ARSD: variants seen among roughly 807,000 people sequenced by gnomAD.
ARSD encodes testis tissue sperm-binding protein Li 39a.
Under a neutral mutation model 32.6 loss-of-function variants are expected in ARSD, and 21 were observed. The observed-to-expected ratio is 0.64, with a 90% CI of 0.46 to 0.93. The LOEUF is 0.93. Ranked by LOEUF, ARSD falls within the 40% of genes least tolerant of loss-of-function variation. The probability of loss-of-function intolerance (pLI) is 0.00; values close to 1 mark genes in which losing one functional copy is unlikely to be tolerated. For missense variants in ARSD, 454 were observed against 520.9 expected, an observed-to-expected ratio of 0.87 and a Z score of 1.25; for synonymous variants, 224 against 237.4, an observed-to-expected ratio of 0.94 and a Z score of 0.52.
At chrX:2,908,535 C>CTCTCT (rs199839957) in intron 9 of ARSD, among the ~76,000 whole-genome samples, 186 bp downstream of exon 9, 2 of 68,470 alleles carry the variant, frequency 2.9e-5, no homozygotes, top group African/African-American at 1.1e-4. Context: ...CTCTCTCTCT[C>CTCTCT]CCCCCCCCAT....
rs1390712399 is a variant in ARSD at position 2,913,581 on chromosome X, A to G, written c.1000+1975T>C. 1.9e-5 allele frequency: 19 copies of G among 996,783 alleles called. No homozygotes were observed. The African/African-American group carries it at 3.0e-4, about 16-fold the overall frequency. The allele number at this position is 996,783 out of a possible 1,213,427, so 82.1% of individuals were successfully genotyped here. A position where few individuals can be genotyped will look rare whatever the true frequency, so the allele number is the denominator to read the frequency against. On this transcript the variant is annotated intron_variant, in intron 6 of 9. Coordinates refer to ENST00000381154, the MANE Select transcript of ARSD (RefSeq NM_001669.4). ...ATTCTGCAAGGATTTTAATATCTAC[A>G]CTCTCTTAAGAATCTGCAGCCTCGT...
chrX:2,908,735 C>A lies in ARSD; in HGVS notation c.1406G>T (p.Trp469Leu). The part of the protein sequence containing the change: ...YCGQHLHAAR[W>L]HQKDSGSVWK... The stretch of plus-strand genomic sequence containing the variant: ...CAGGTACTCACTGTCCTTCTGGTGC[C>A]AGCGTGCTGCGTGAAGATGCTGCCC... Residue 469 changes from tryptophan to leucine, a missense_variant, in exon 9 of 10, where the codon TGG becomes TTG. Physicochemically the swap from Trp to Leu is moderately conservative, Grantham distance 61. Around this residue, in one of 3 missense-constraint regions of ARSD, gnomAD observed 179 missense variants for 198.5 expected, o/e 0.90. Coordinates refer to ENST00000381154, the MANE Select transcript of ARSD (RefSeq NM_001669.4). 1 of 1,197,540 alleles carries A rather than the reference C, an allele frequency of 8.4e-7. No homozygotes were observed. The highest frequency in any genetic ancestry group is 3.0e-5 in the East Asian group (1 of 33,452).
intron 3 of ARSD, among the ~76,000 whole-genome samples, chrX:2,921,545 T>TTATCTATC (rs759617482): frequency 8.9e-6 from 1 of 111,913 alleles, no homozygotes; most frequent in Non-Finnish European, 1.9e-5. Flanking sequence ...AGCTGTCAAT[T>TTATCTATC]TATCTATCTA....
rs1429641726 is a variant in ARSD at position 2,923,962 on chromosome X, G to A, written c.194+1654C>T. 9.8e-5 allele frequency among the ~76,000 whole-genome samples: 11 copies of A among 112,410 alleles called. No homozygotes were observed. In the Admixed American group the frequency reaches 1.0e-3, roughly 11 times the overall value. ...ACTGTACACTGTAAACAGATGAACC[G>A]CATGTTCTGTGAATTACAACCAGGC... On this transcript the variant is annotated intron_variant, in intron 2 of 9. Coordinates refer to ENST00000381154, the MANE Select transcript of ARSD (RefSeq NM_001669.4).
At chrX:2,916,766 A>C (rs1569088891) in intron 5 of ARSD, among the ~76,000 whole-genome samples, 1 of 111,541 alleles carries the variant, frequency 9.0e-6, no homozygotes, top group Non-Finnish European at 1.9e-5. Flanking sequence ...TAAAGAGTAC[A>C]AACATACAGT....
intron 2 of ARSD, 128 bp from the exon 3 acceptor site, chrX:2,922,152 G>T: frequency 1.2e-6 from 1 of 850,041 alleles, no homozygotes; most frequent in Non-Finnish European, 1.6e-6. Context: ...TTGCATTATG[G>T]TCTCCTGCAG....
At chrX:2,929,173 C>G (rs1303472755) in intron 1 of ARSD, 59 bp downstream of exon 1, 1 of 986,691 alleles carries the variant, frequency 1.0e-6, no homozygotes, top group Non-Finnish European at 1.3e-6. Context: ...GCTCGCGACC[C>G]CCTCCCCAGG....
At chrX:2,922,463 C>A (rs2089037861) in intron 2 of ARSD, among the ~76,000 whole-genome samples, 1 of 110,018 alleles carries the variant, frequency 9.1e-6, no homozygotes. Context: ...AGGAGACAGT[C>A]CCTGTGCTTT....
chrX:2,921,764 A>C, intron 3 of ARSD, 139 bp downstream of exon 3: 1 of 795,802 alleles, frequency 1.3e-6, no homozygotes, highest in South Asian at 3.0e-5. Context: ...TCCTTACATA[A>C]ATACAAGGAA....
chrX:2,911,198 CT>C (rs1274687261), intron 6 of ARSD, among the ~76,000 whole-genome samples: 3 of 111,376 alleles, frequency 2.7e-5, no homozygotes, highest in Non-Finnish European at 5.7e-5. Flanking sequence ...ATGGTGAAAC[CT>C]CATCTCTACC....
intron 3 of ARSD, among the ~76,000 whole-genome samples, chrX:2,921,249 T>C (rs1312894846): frequency 8.9e-6 from 1 of 112,119 alleles, no homozygotes; most frequent in African/African-American, 3.2e-5. Context: ...ATCCATCATC[T>C]ATCATCTATA....
Position 2,906,956 on chromosome X carries a change from A to C in ARSD, c.*315T>G, listed in dbSNP as rs745916560. 4 of 186,582 alleles carry C rather than the reference A, an allele frequency of 2.1e-5. No individual in the cohort carries two copies. The South Asian group carries it at 5.0e-4, about 23-fold the overall frequency. 15.4% of individuals were successfully genotyped at this position (186,582 alleles called of 1,213,427 possible). A position where few individuals can be genotyped will look rare whatever the true frequency, so the allele number is the denominator to read the frequency against. ...GAAACCCTGTCTCTACTAAAACTAC[A>C]AAAATTAGCTAGGCATGGTGGCAGG... On this transcript the variant is annotated 3_prime_UTR_variant, in exon 10 of 10. Coordinates refer to ENST00000381154, the MANE Select transcript of ARSD (RefSeq NM_001669.4).
In ARSD at chrX:2,904,887, T is replaced by G. The variant is rs2147301447; in HGVS notation, c.*2384A>C. 4.0e-6 allele frequency: 1 copy of G among 251,287 alleles called. No homozygotes were observed. Among genetic ancestry groups the G allele is most frequent in the South Asian group, 4.2e-5 (1 of 23,720 alleles). The allele number at this position is 251,287 out of a possible 1,213,427, so 20.7% of individuals were successfully genotyped here. The stretch of plus-strand genomic sequence containing the variant: ...AGCTGCCTCCACTCCCCGTGTCCCA[T>G]GCTCCATAGATGTTTCTTTTTTTTT... On this transcript the variant is annotated 3_prime_UTR_variant, in exon 10 of 10. Transcript: ENST00000381154.
chrX:2,929,256 C>A lies in ARSD; in HGVS notation c.20G>T (p.Arg7Met). The change falls in exon 1 of 10, where the codon AGG becomes ATG. Residue 7 changes from arginine (R) to methionine (M), a missense_variant. Physicochemically the swap from Arg to Met is moderately conservative, Grantham distance 91 (BLOSUM62 -1). Coordinates refer to ENST00000381154, the MANE Select transcript of ARSD (RefSeq NM_001669.4). Reference protein sequence around the residue: MRSAARRGRAAPAARDS... With the variant: MRSAARMGRAAPAARDS... Reference sequence around the variant, plus strand: ...CCTGGCGGCGGGCGCGGCGCGTCCCCTCCGCGCGGCGGATCGCATGGCCGA... The same window carrying A: ...CCTGGCGGCGGGCGCGGCGCGTCCCATCCGCGCGGCGGATCGCATGGCCGA... The A allele has an allele frequency of 1.9e-6, 2 of 1,027,959 alleles. No individual in the cohort carries two copies. Among genetic ancestry groups the A allele is most frequent in the Non-Finnish European group, 2.5e-6 (2 of 811,710 alleles). The allele number at this position is 1,027,959 out of a possible 1,213,427, so 84.7% of individuals were successfully genotyped here. A position where few individuals can be genotyped will look rare whatever the true frequency, so the allele number is the denominator to read the frequency against.
Position 2,925,633 on chromosome X carries a change from G to T in ARSD, c.177C>A (p.Tyr59Ter), listed in dbSNP as rs2302076. The change falls in exon 2 of 10, where the codon TAC becomes TAA. Residue 59 changes from tyrosine (Y) to a stop codon, truncating the protein, a stop_gained. Coordinates refer to ENST00000381154, the MANE Select transcript of ARSD (RefSeq NM_001669.4). LOFTEE classifies it high-confidence loss of function. Reference sequence around the variant, plus strand: ...AACTGTACCTCAGTGTATTGTTCCCGTAGCAACCGAGATCCCCAGTGCCTA... The same window carrying T: ...AACTGTACCTCAGTGTATTGTTCCCTTAGCAACCGAGATCCCCAGTGCCTA... Reference protein sequence around the residue: ...DDLGTGDLGCYGNNTLRTPNI... With the variant: ...DDLGTGDLGC 7.4e-6 allele frequency: 9 copies of T among 1,209,949 alleles called. No homozygotes were observed. Among genetic ancestry groups the T allele is most frequent in the Non-Finnish European group, 1.0e-5 (9 of 894,905 alleles).
At chrX:2,920,999 G>A (rs181753561) in intron 3 of ARSD, among the ~76,000 whole-genome samples, 9 of 111,734 alleles carry the variant, frequency 8.1e-5, no homozygotes, top group Admixed American at 1.9e-4. Flanking sequence ...TGGTGTCACA[G>A]CTCAGAAAGG....
chrX:2,919,425 G>C (rs1428753037), intron 4 of ARSD, among the ~76,000 whole-genome samples: 1 of 106,962 alleles, frequency 9.3e-6, no homozygotes. Flanking sequence ...ACACAGGCTG[G>C]GTAAGGAATG....
At chrX:2,921,790 G>A (rs1603461272) in intron 3 of ARSD, 113 bp downstream of exon 3, 2 of 898,355 alleles carry the variant, frequency 2.2e-6, no homozygotes, top group East Asian at 6.5e-5. Context: ...TGAATTGCAG[G>A]TGATCTTTGT....
Position 2,929,326 on chromosome X carries a change from C to T in ARSD, c.-51G>A, listed in dbSNP as rs1446053179. Reference sequence around the variant, plus strand: ...GACCTTGCCCTGCGCACTCCGCGCCCGGGCGCCGCTAGTGCCAAGGCTTCC... The same window carrying T: ...GACCTTGCCCTGCGCACTCCGCGCCTGGGCGCCGCTAGTGCCAAGGCTTCC... On this transcript the variant is annotated 5_prime_UTR_variant, in exon 1 of 10. Transcript: ENST00000381154. The T allele has an allele frequency of 7.6e-6, 7 of 919,435 alleles. No homozygotes were observed. In the Admixed American group the frequency reaches 1.8e-4, roughly 23 times the overall value. 75.8% of individuals were successfully genotyped at this position (919,435 alleles called of 1,213,427 possible). A position where few individuals can be genotyped will look rare whatever the true frequency, so the allele number is the denominator to read the frequency against.
Sources: allele counts gnomAD v4.1 joint callset (sites outside exome capture counted in the v4.1 genomes callset), GRCh38; gene constraint gnomAD v4.1.1; regional missense constraint gnomAD v4.1.1; transcripts MANE v1.5; gene names NCBI Gene and HGNC (gene_info 2026-07-23, HGNC 2026-07-21).